Variants in CAST observed in about 807,000 individuals in gnomAD.
The protein encoded by CAST is calpastatin, also known as MIR583 host.
Under a neutral mutation model 119.6 loss-of-function variants are expected in CAST, and 76 were observed. The observed-to-expected ratio is 0.64, with a 90% confidence interval of 0.53 to 0.77. The LOEUF is 0.77. Among genes scored for constraint, CAST ranks in the 30% least tolerant of loss-of-function variants. The pLI, the probability that CAST is intolerant of heterozygous loss-of-function variation, is 0.00. For synonymous variants in CAST, 319 were observed against 331.6 expected (o/e 0.96, Z 0.41); for missense variants, 953 against 946.5 (o/e 1.01, Z -0.09).
At chr5:96,414,592 A>T in the CAST span, among the ~76,000 whole-genome samples, 3 of 152,318 alleles carry the variant, frequency 2.0e-5, no homozygotes, top group African/African-American at 7.2e-5. Context: ...CCATCAAAGG[A>T]TGGAGTAATG....
chr5:96,272,991 C>A, the CAST span, among the ~76,000 whole-genome samples: 1 of 152,098 alleles, frequency 6.6e-6, no homozygotes, highest in Admixed American at 6.5e-5. Flanking sequence ...GAAAATAATG[C>A]ATTGCTTTTA....
upstream of CAST, chr5:96,529,698 G>A (rs1179240214): frequency 5.3e-5 from 17 of 318,680 alleles, no homozygotes; most frequent in Admixed American, 2.6e-4. Flanking sequence ...TAACTGAATC[G>A]TGGGGGCAGT....
chr5:96,495,356 C>T, the CAST span, among the ~76,000 whole-genome samples: 1 of 151,868 alleles, frequency 6.6e-6, no homozygotes, highest in African/African-American at 2.4e-5. Flanking sequence ...ACCTATCAAC[C>T]CGTCATCTAG....
the CAST span, among the ~76,000 whole-genome samples, chr5:96,137,399 A>T: frequency 6.6e-6 from 1 of 152,072 alleles, no homozygotes; most frequent in Non-Finnish European, 1.5e-5. Flanking sequence ...CAGTTTGCTT[A>T]TCCATTCATT....
chr5:96,683,987 C>T (rs1276260460), intron 2 of CAST, among the ~76,000 whole-genome samples: 1 of 152,190 alleles, frequency 6.6e-6, no homozygotes, highest in Non-Finnish European at 1.5e-5. Context: ...TGAAGAGCCA[C>T]ACTCACAACT....
rs146252888 is a variant in CAST at position 96,638,974 on chromosome 5, A to G, written c.61-36565A>G. Among the ~76,000 whole-genome samples the G allele has an allele frequency of 2.0e-5, 3 of 152,294 alleles. No individual in the cohort carries two copies. In the East Asian group the frequency reaches 5.8e-4, roughly 29 times the overall value. On this transcript the variant is annotated intron_variant, in intron 1 of 11. Transcript: ENST00000505143. ...CCTCAGAGGACTTCATCCCTTCTCT[A>G]GACACACTAGTCCTCAGAGGTGGCC...
rs566713979 is a variant in CAST, at chr5:96,696,996, A to C, written c.210+1089A>C. Among the ~76,000 whole-genome samples the C allele has an allele frequency of 2.0e-5, 3 of 152,202 alleles. No homozygotes were observed. The South Asian group carries it at 6.2e-4, about 32-fold the overall frequency. Reference sequence around the variant, plus strand: ...GCCAAGATGGTGAAACCCCATCTCTACTAAAAATACAAAAATTAGCTGGGC... The same window carrying C: ...GCCAAGATGGTGAAACCCCATCTCTCCTAAAAATACAAAAATTAGCTGGGC... On this transcript the variant is annotated intron_variant, in intron 3 of 31. Coordinates refer to ENST00000675179, the MANE Select transcript of CAST (RefSeq NM_001750.7).
At chr5:95,961,903 G>GC in the CAST span, 1 of 712,644 alleles carries the variant, frequency 1.4e-6, no homozygotes, top group Non-Finnish European at 2.1e-6. Context: ...CCACCCTCCG[G>GC]CCCCGCGCCC....
the CAST span, among the ~76,000 whole-genome samples, chr5:96,466,917 A>G: frequency 6.6e-6 from 1 of 152,130 alleles, no homozygotes; most frequent in East Asian, 1.9e-4. Context: ...GAAATGATCA[A>G]CTTCTCTTAG....
chr5:96,064,353 T>C, the CAST span, among the ~76,000 whole-genome samples: 2 of 152,112 alleles, frequency 1.3e-5, no homozygotes, highest in East Asian at 3.9e-4. Flanking sequence ...AAACCTAGAG[T>C]TTCCAGACTT....
At chr5:96,366,945 C>T in the CAST span, among the ~76,000 whole-genome samples, 3 of 152,104 alleles carry the variant, frequency 2.0e-5, no homozygotes, top group Non-Finnish European at 2.9e-5. Context: ...TGTTTTTTCC[C>T]CATCTTTTTG....
At chr5:96,115,395 G>A in the CAST span, among the ~76,000 whole-genome samples, 2 of 152,200 alleles carry the variant, frequency 1.3e-5, no homozygotes, top group Admixed American at 6.5e-5. Context: ...GATTGTTTAT[G>A]GGCTAGGCCC....
the CAST span, among the ~76,000 whole-genome samples, chr5:96,499,395 G>A: frequency 1.3e-5 from 2 of 152,212 alleles, no homozygotes; most frequent in African/African-American, 4.8e-5. Flanking sequence ...TCTACTAGGT[G>A]TGCAATAGCA....
chr5:96,237,868 T>G, the CAST span, among the ~76,000 whole-genome samples: 1 of 152,240 alleles, frequency 6.6e-6, no homozygotes, highest in Middle Eastern at 3.4e-3. Flanking sequence ...CTTTTCCAAT[T>G]CCTAATTTAT....
At chr5:96,677,322 G>A (rs1461141549) in intron 2 of CAST, among the ~76,000 whole-genome samples, 2 of 152,244 alleles carry the variant, frequency 1.3e-5, no homozygotes, top group African/African-American at 4.8e-5. Context: ...TACTAATATG[G>A]TCATTCTGGC....
At chr5:95,969,100 G>A in the CAST span, among the ~76,000 whole-genome samples, 1 of 152,218 alleles carries the variant, frequency 6.6e-6, no homozygotes, top group Non-Finnish European at 1.5e-5. Context: ...ATCATACGGT[G>A]TTTTGGGGGA....
At chr5:96,308,524 G>T in the CAST span, among the ~76,000 whole-genome samples, 11 of 151,966 alleles carry the variant, frequency 7.2e-5, no homozygotes, top group Non-Finnish European at 1.5e-4. Context: ...TCCTTTGCGG[G>T]AGAGGAGGCG....
intron 1 of CAST, among the ~76,000 whole-genome samples, chr5:96,565,342 A>C (rs261223): frequency 0.29 from 44,660 of 152,018 alleles, 7,441 homozygotes; most frequent in Middle Eastern, 0.43. Context: ...TCATTCTACA[A>C]GGTATACATG....
chr5:96,033,113 C>G, the CAST span, among the ~76,000 whole-genome samples: 1 of 151,726 alleles, frequency 6.6e-6, no homozygotes, highest in East Asian at 1.9e-4. Flanking sequence ...ATAAATTTAA[C>G]TAAGGAGATG....
Sources: gnomAD v4.1 joint callset for allele counts (sites outside exome capture counted in the v4.1 genomes callset) on GRCh38, gnomAD v4.1.1 for gene constraint, MANE v1.5 for transcripts, NCBI Gene and HGNC (gene_info 2026-07-23, HGNC 2026-07-21) for gene names.